The following CNTN1 variants were observed in gnomAD, a reference collection of about 807,000 sequenced individuals.
The protein encoded by CNTN1 is contactin 1, also known as contactin-1.
In CNTN1, 38 loss-of-function variants were observed where a neutral mutation model predicts 126.4. The ratio of observed to expected loss-of-function variants is 0.30; its 90% CI spans 0.23 to 0.39. The LOEUF is 0.39. CNTN1 is among the 10% of genes least tolerant of loss of function. The pLI is 1.00. For missense variants in CNTN1, 1,009 were observed against 1,248.4 expected, an observed-to-expected ratio of 0.81 and a Z score of 2.89; for synonymous variants, 413 against 422.6, an observed-to-expected ratio of 0.98 and a Z score of 0.28.
chr12:41,014,954 T>G (rs551061040), intron 18 of CNTN1, among the ~76,000 whole-genome samples: 55 of 152,300 alleles, frequency 3.6e-4, no homozygotes, highest in African/African-American at 1.3e-3. Flanking sequence ...CCAGATAACA[T>G]GGTTTATACA....
At chr12:40,827,505 T>C (rs1195396749) in intron 1 of CNTN1, among the ~76,000 whole-genome samples, 1 of 152,190 alleles carries the variant, frequency 6.6e-6, no homozygotes, top group Admixed American at 6.6e-5. Flanking sequence ...CATTTAGCCT[T>C]GTTGATGTTC....
intron 15 of CNTN1, among the ~76,000 whole-genome samples, chr12:40,960,692 C>T (rs1947074952): frequency 6.6e-6 from 1 of 151,970 alleles, no homozygotes. Flanking sequence ...CTAAGTCAAA[C>T]AAAATTCATT....
At chr12:41,030,323 T>C (rs1200602501) in intron 23 of CNTN1, among the ~76,000 whole-genome samples, 1 of 152,120 alleles carries the variant, frequency 6.6e-6, no homozygotes, top group Non-Finnish European at 1.5e-5. Context: ...GCTTCAATTG[T>C]ATGCCATGTT....
At chr12:41,042,743 C>G (rs994292443) in intron 23 of CNTN1, among the ~76,000 whole-genome samples, 1 of 152,140 alleles carries the variant, frequency 6.6e-6, no homozygotes, top group African/African-American at 2.4e-5. Flanking sequence ...TACCTGACTT[C>G]AAACTATACT....
intron 15 of CNTN1, among the ~76,000 whole-genome samples, chr12:40,960,583 A>C (rs921242454): frequency 2.6e-5 from 4 of 152,140 alleles, no homozygotes; most frequent in Non-Finnish European, 2.9e-5. Context: ...ATAGAGTTTT[A>C]AGAAGTCTAG....
intron 1 of CNTN1, among the ~76,000 whole-genome samples, chr12:40,811,552 G>A (rs1366961927): frequency 2.6e-5 from 4 of 151,986 alleles, no homozygotes; most frequent in Non-Finnish European, 5.9e-5. Flanking sequence ...TTTTTTGATA[G>A]AAGATTTTTG....
At chr12:40,776,180 T>A (rs1366584769) in intron 1 of CNTN1, among the ~76,000 whole-genome samples, 1 of 151,628 alleles carries the variant, frequency 6.6e-6, no homozygotes, top group African/African-American at 2.4e-5. Flanking sequence ...AGTTTCTGTG[T>A]TATACTAGCC....
chr12:40,847,075 C>A (rs1477085979), intron 1 of CNTN1, among the ~76,000 whole-genome samples: 4 of 152,060 alleles, frequency 2.6e-5, no homozygotes, highest in African/African-American at 9.7e-5. Flanking sequence ...CCTATATTGG[C>A]CAGGCTGGTC....
intron 1 of CNTN1, among the ~76,000 whole-genome samples, chr12:40,707,216 CTTTTCTTTTTCTTTTTTTT>C (rs766206858): frequency 7.7e-6 from 1 of 130,424 alleles, no homozygotes; most frequent in Admixed American, 7.4e-5. Flanking sequence ...TCTTTCATTT[CTTTTCTTTTTCTTTTTTTT>C]TTTTTTTTTT....
At position 40,783,698 on chromosome 12, in the gene CNTN1, G is replaced by A. The variant is rs567653669; in HGVS notation, c.-77+91106G>A. 5.9e-5 allele frequency among the ~76,000 whole-genome samples: 9 copies of A among 152,064 alleles called. No individual in the cohort carries two copies. In the East Asian group the frequency reaches 1.4e-3, roughly 23 times the overall value. ...TTAGAATCACAACACTCCTTTACTC[G>A]TTGTGTGAAACACGTAAATCAGGTA... is the stretch of plus-strand genomic sequence containing the variant. On this transcript the variant is annotated intron_variant, in intron 1 of 23. Transcript: ENST00000551295.
At chr12:41,036,382 TAA>T (rs1949264926) in intron 23 of CNTN1, among the ~76,000 whole-genome samples, 1 of 152,096 alleles carries the variant, frequency 6.6e-6, no homozygotes, top group Non-Finnish European at 1.5e-5. Flanking sequence ...TCTAAAAAAA[TAA>T]AGAGTTTTTT....
chr12:40,909,370 G>A (rs1366411819), intron 2 of CNTN1, among the ~76,000 whole-genome samples: 2 of 151,620 alleles, frequency 1.3e-5, no homozygotes, highest in Admixed American at 6.6e-5. Flanking sequence ...TATTGAGCTA[G>A]GTCATTATTA....
intron 23 of CNTN1, among the ~76,000 whole-genome samples, chr12:41,057,063 A>G (rs1306177102): frequency 8.9e-6 from 1 of 112,702 alleles, no homozygotes; most frequent in Non-Finnish European, 1.8e-5. Flanking sequence ...TATAAATATT[A>G]TAAATATTTA....
At chr12:41,040,526 T>C (rs973302678) in intron 23 of CNTN1, among the ~76,000 whole-genome samples, 2 of 152,160 alleles carry the variant, frequency 1.3e-5, no homozygotes, top group African/African-American at 2.4e-5. Flanking sequence ...TTTCACGATA[T>C]TGATTCTTCC....
intron 1 of CNTN1, among the ~76,000 whole-genome samples, chr12:40,873,501 G>T (rs1488081077): frequency 6.6e-6 from 1 of 152,040 alleles, no homozygotes. Flanking sequence ...TGGTTTGATT[G>T]CTAAAATATT....
At chr12:40,981,952 AT>A (rs1478006372) in intron 16 of CNTN1, among the ~76,000 whole-genome samples, 4 of 151,524 alleles carry the variant, frequency 2.6e-5, no homozygotes, top group East Asian at 3.9e-4. Context: ...AAAAAAAAAA[AT>A]ACTCTAATCT....
intron 15 of CNTN1, among the ~76,000 whole-genome samples, chr12:40,974,057 GCAGAAATGA>G (rs2137052667): frequency 6.6e-6 from 1 of 152,134 alleles, no homozygotes; most frequent in East Asian, 1.9e-4. Context: ...CATTTTTAAA[GCAGAAATGA>G]CAGAACTGAT....
At chr12:41,052,813 C>A (rs981883831) in intron 23 of CNTN1, among the ~76,000 whole-genome samples, 2 of 151,770 alleles carry the variant, frequency 1.3e-5, no homozygotes, top group Admixed American at 6.6e-5. Flanking sequence ...TCAAGAACTA[C>A]AAAACATGAA....
intron 1 of CNTN1, among the ~76,000 whole-genome samples, chr12:40,738,271 G>A (rs1399749327): frequency 6.6e-6 from 1 of 151,920 alleles, no homozygotes; most frequent in African/African-American, 2.4e-5. Context: ...CAACTAGTGC[G>A]GGAAAAGAAA....
Sources: gnomAD v4.1 joint callset for allele counts (sites outside exome capture counted in the v4.1 genomes callset) on GRCh38, gnomAD v4.1.1 for gene constraint, MANE v1.5 for transcripts, NCBI Gene and HGNC (gene_info 2026-07-23, HGNC 2026-07-21) for gene names.